PDE4D: variants seen among roughly 807,000 people sequenced by gnomAD.
PDE4D encodes 3',5'-cyclic-AMP phosphodiesterase 4D.
A neutral mutation model predicts 87.4 loss-of-function variants in PDE4D; 24 were observed. That is an observed-to-expected ratio of 0.27 (90% CI 0.20 to 0.39). The LOEUF (loss-of-function observed/expected upper bound fraction) is 0.39, where lower values mean the gene tolerates loss of function less well. Among genes scored for constraint, PDE4D ranks in the 10% least tolerant of loss-of-function variants. The pLI is 1.00. For synonymous variants in PDE4D, 384 were observed against 383.2 expected (o/e 1.00, Z -0.02); for missense variants, 714 against 1,041.0 (o/e 0.69, Z 4.32).
At chr5:59,174,016 G>A (rs1389954490) in intron 5 of PDE4D, among the ~76,000 whole-genome samples, 2 of 152,136 alleles carry the variant, frequency 1.3e-5, no homozygotes, top group African/African-American at 4.8e-5. Flanking sequence ...CATCCTTATT[G>A]TCACCATGAA....
intron 1 of PDE4D, among the ~76,000 whole-genome samples, chr5:59,384,048 C>A (rs1562075597): frequency 6.8e-6 from 1 of 146,356 alleles, no homozygotes. Flanking sequence ...GCCACCACAC[C>A]TGGCTATTTT....
chr5:59,674,841 G>A (rs368906787), intron 1 of PDE4D, among the ~76,000 whole-genome samples: 9 of 152,144 alleles, frequency 5.9e-5, no homozygotes, highest in African/African-American at 2.2e-4. Context: ...GGTGCTTTTG[G>A]CATTATAGGC....
At chr5:59,021,638 T>A (rs1273586699) in intron 6 of PDE4D, among the ~76,000 whole-genome samples, 1 of 152,128 alleles carries the variant, frequency 6.6e-6, no homozygotes, top group Non-Finnish European at 1.5e-5. Context: ...AGTCCTGATT[T>A]ACAGGGAAAA....
intron 1 of PDE4D, among the ~76,000 whole-genome samples, chr5:59,845,671 A>G (rs2152711976): frequency 6.6e-6 from 1 of 152,244 alleles, no homozygotes; most frequent in Middle Eastern, 3.4e-3. Flanking sequence ...TCTGAAACCA[A>G]TTTCAGATAA....
At chr5:60,123,358 T>C (rs1455659011) in intron 2 of PDE4D, among the ~76,000 whole-genome samples, 2 of 152,126 alleles carry the variant, frequency 1.3e-5, no homozygotes, top group Non-Finnish European at 2.9e-5. Context: ...GTGGTTTAAT[T>C]GGACTTACAC....
chr5:60,303,307 C>CTTTT lies in PDE4D; in HGVS notation c.-89-117624_-89-117621dup, dbSNP rs879522679. Among the ~76,000 whole-genome samples, 22 of 127,796 alleles carry CTTTT rather than the reference C, an allele frequency of 1.7e-4. 1 individual carries two copies. The highest frequency in any genetic ancestry group is 6.5e-4 in the African/African-American group (21 of 32,536). 83.8% of individuals were successfully genotyped at this position (127,796 alleles called of 152,430 possible). On this transcript the variant is annotated intron_variant, in intron 1 of 16. Coordinates refer to the PDE4D transcript ENST00000502484. ...TAATTGTGTGGTTATATCTGGATTT[C>CTTTT]TTTTTTTTTTTTTTTTTTGAGACGG...
Position 58,995,877 on chromosome 5 carries a change from T to C in PDE4D, c.922-2412A>G. On this transcript the variant is annotated intron_variant, in intron 6 of 14. Transcript: ENST00000340635. The stretch of plus-strand genomic sequence containing the variant: ...TTTAAAAAACTCTTTGCTTAAGACT[T>C]GGAGCCAACCCAAATGTCCATCAGT... Among the ~76,000 whole-genome samples the C allele has an allele frequency of 1.3e-5, 2 of 152,208 alleles. 1 individual carries two copies. The highest frequency in any genetic ancestry group is 2.9e-5 in the Non-Finnish European group (2 of 68,034).
intron 1 of PDE4D, among the ~76,000 whole-genome samples, chr5:59,300,801 C>A (rs1256794401): frequency 6.6e-6 from 1 of 152,124 alleles, no homozygotes; most frequent in East Asian, 1.9e-4. Context: ...GACTGCCCCC[C>A]ACCACACCAG....
At chr5:60,204,795 A>G (rs1742311761) in intron 1 of PDE4D, among the ~76,000 whole-genome samples, 1 of 152,168 alleles carries the variant, frequency 6.6e-6, no homozygotes, top group African/African-American at 2.4e-5. Context: ...TGCTTGGATT[A>G]AGATGTCTAT....
chr5:60,199,227 A>G (rs1562210737), intron 1 of PDE4D, among the ~76,000 whole-genome samples: 2 of 151,742 alleles, frequency 1.3e-5, no homozygotes. Flanking sequence ...AGCAAATTCA[A>G]AGGCTCTGAA....
intron 1 of PDE4D, among the ~76,000 whole-genome samples, chr5:59,515,508 T>G (rs1433598016): frequency 6.6e-6 from 1 of 152,228 alleles, no homozygotes; most frequent in Admixed American, 6.5e-5. Flanking sequence ...AAACAAATTT[T>G]TGTTATTCAC....
chr5:59,914,213 C>A (rs1429411509), intron 3 of PDE4D, among the ~76,000 whole-genome samples: 1 of 151,988 alleles, frequency 6.6e-6, no homozygotes, highest in African/African-American at 2.4e-5. Context: ...TTAAAGTAGA[C>A]AATAGACAAC....
intron 1 of PDE4D, among the ~76,000 whole-genome samples, chr5:59,259,033 T>C (rs886888309): frequency 1.3e-5 from 2 of 151,910 alleles, no homozygotes; most frequent in Admixed American, 6.6e-5. Context: ...TGAGAGATCA[T>C]ATACATGTCA....
intron 1 of PDE4D, among the ~76,000 whole-genome samples, chr5:59,270,846 G>T (rs963205610): frequency 1.3e-5 from 2 of 152,090 alleles, no homozygotes; most frequent in African/African-American, 2.4e-5. Flanking sequence ...ACAGACTTGG[G>T]TTACCCCAGC....
chr5:59,882,200 C>T (rs987373897), intron 1 of PDE4D, among the ~76,000 whole-genome samples: 2 of 152,128 alleles, frequency 1.3e-5, no homozygotes, highest in Non-Finnish European at 2.9e-5. Context: ...GGGTATTTAT[C>T]CATGTTGGAT....
chr5:59,457,907 AAAAGAAAAGAAAG>A (rs1258414088), intron 1 of PDE4D, among the ~76,000 whole-genome samples: 7 of 152,318 alleles, frequency 4.6e-5, no homozygotes, highest in Non-Finnish European at 8.8e-5. Flanking sequence ...AAAAAAAAGA[AAAAGAAAAGAAAG>A]AAAGAAAAAC....
At chr5:60,312,153 CAT>C (rs1301796422) in intron 1 of PDE4D, among the ~76,000 whole-genome samples, 1 of 152,180 alleles carries the variant, frequency 6.6e-6, no homozygotes, top group Non-Finnish European at 1.5e-5. Flanking sequence ...AGAAAACTAA[CAT>C]AGATATATTC....
chr5:60,233,477 T>C (rs1044304920), intron 1 of PDE4D, among the ~76,000 whole-genome samples: 1 of 151,722 alleles, frequency 6.6e-6, no homozygotes, highest in African/African-American at 2.4e-5. Flanking sequence ...AAAATTACTT[T>C]GAGATCAATA....
At chr5:59,668,865 A>G (rs976656937) in intron 1 of PDE4D, among the ~76,000 whole-genome samples, 9 of 73,874 alleles carry the variant, frequency 1.2e-4, no homozygotes, top group African/African-American at 5.6e-4. Context: ...GAAGAAGAAG[A>G]AGAAGAAGAA....
Sources: allele counts gnomAD v4.1 joint callset (sites outside exome capture counted in the v4.1 genomes callset), GRCh38; gene constraint gnomAD v4.1.1; transcripts MANE v1.5; gene names NCBI Gene and HGNC (gene_info 2026-07-23, HGNC 2026-07-21).